The following PRKCB variants were observed in gnomAD, a reference collection of about 807,000 sequenced individuals.
PRKCB encodes the protein protein kinase C beta, also known as protein kinase C beta type.
In PRKCB, 13 loss-of-function variants were observed where a neutral mutation model predicts 81.5. The ratio of observed to expected loss-of-function variants is 0.16; its 90% CI spans 0.10 to 0.25. PRKCB has a LOEUF of 0.25. Among genes scored for constraint, PRKCB ranks in the 10% least tolerant of loss-of-function variants. The probability of loss-of-function intolerance (pLI) is 1.00; values close to 1 mark genes in which losing one functional copy is unlikely to be tolerated. For missense variants in PRKCB, 509 were observed against 875.7 expected, an observed-to-expected ratio of 0.58 and a Z score of 5.29; for synonymous variants, 335 against 321.4, an observed-to-expected ratio of 1.04 and a Z score of -0.45.
intron 3 of PRKCB, among the ~76,000 whole-genome samples, chr16:24,025,594 C>T (rs1156338807): frequency 6.6e-6 from 1 of 152,162 alleles, no homozygotes; most frequent in Non-Finnish European, 1.5e-5. Flanking sequence ...ATTAAGCGTG[C>T]ATTTATAAGT....
chr16:24,100,950 G>GT (rs1434779419), intron 7 of PRKCB, among the ~76,000 whole-genome samples: 2 of 152,160 alleles, frequency 1.3e-5, no homozygotes, highest in Non-Finnish European at 2.9e-5. Flanking sequence ...CAGTTCCTGG[G>GT]TGAGGATCAC....
In PRKCB at chr16:24,048,770, C is replaced by T. The variant is rs891311451; in HGVS notation, c.529+13223C>T. 2.0e-5 allele frequency among the ~76,000 whole-genome samples: 3 copies of T among 152,282 alleles called. 1 individual carries two copies. Among genetic ancestry groups the T allele is most frequent in the Admixed American group, 1.3e-4 (2 of 15,302 alleles). ...GTGCTGGGATTACAGGTGTGAGTCA[C>T]CGTGCCCAGCCACAGCCACCTTTTC... On this transcript the variant is annotated intron_variant, in intron 5 of 16. Coordinates refer to ENST00000643927, the MANE Select transcript of PRKCB (RefSeq NM_002738.7).
At chr16:23,922,075 C>T (rs1051230177) in intron 2 of PRKCB, among the ~76,000 whole-genome samples, 5 of 152,066 alleles carry the variant, frequency 3.3e-5, no homozygotes, top group African/African-American at 4.8e-5. Context: ...AGAACACTAT[C>T]GGATGATAAT....
chr16:23,993,475 C>T (rs1246810802), intron 3 of PRKCB, among the ~76,000 whole-genome samples: 1 of 152,076 alleles, frequency 6.6e-6, no homozygotes, highest in Non-Finnish European at 1.5e-5. Flanking sequence ...ATTAGAATGC[C>T]AGAGTGGATT....
At chr16:23,992,745 C>G (rs1964903268) in intron 3 of PRKCB, among the ~76,000 whole-genome samples, 1 of 152,170 alleles carries the variant, frequency 6.6e-6, no homozygotes. Context: ...GGCTGAATTA[C>G]AATGCAAATT....
intron 3 of PRKCB, among the ~76,000 whole-genome samples, chr16:24,013,410 T>A (rs551008657): frequency 1.0e-3 from 157 of 152,348 alleles, no homozygotes; most frequent in Non-Finnish European, 1.6e-3. Context: ...TAAAAATGAA[T>A]CACTAGCTGT....
intron 2 of PRKCB, among the ~76,000 whole-genome samples, chr16:23,929,260 A>G (rs1479774261): frequency 6.6e-6 from 1 of 152,146 alleles, no homozygotes; most frequent in Non-Finnish European, 1.5e-5. Context: ...GCCAGGCCAC[A>G]GAGTTTGCAG....
At chr16:23,971,176 G>T (rs1964550134) in intron 2 of PRKCB, among the ~76,000 whole-genome samples, 1 of 152,170 alleles carries the variant, frequency 6.6e-6, no homozygotes, top group African/African-American at 2.4e-5. Flanking sequence ...CGTGGCAGTA[G>T]TTACCATCAT....
At chr16:23,894,494 T>A (rs1453996145) in intron 2 of PRKCB, among the ~76,000 whole-genome samples, 1 of 152,116 alleles carries the variant, frequency 6.6e-6, no homozygotes, top group African/African-American at 2.4e-5. Context: ...CTGGATATAA[T>A]CATTGGTTTA....
chr16:24,025,731 T>C (rs753578106), intron 3 of PRKCB, among the ~76,000 whole-genome samples: 1 of 152,134 alleles, frequency 6.6e-6, no homozygotes, highest in Non-Finnish European at 1.5e-5. Context: ...ATTTGCTAGG[T>C]GAATGAACGA....
Position 24,172,352 on chromosome 16 carries a change from C to A in PRKCB, c.1322C>A (p.Pro441His). The A allele has an allele frequency of 6.2e-7, 1 of 1,613,658 alleles. No individual in the cohort carries two copies. Among genetic ancestry groups the A allele is most frequent in the Non-Finnish European group, 8.5e-7 (1 of 1,179,794 alleles). The change falls in exon 11 of 17, where the codon CCC (proline) becomes CAC (histidine). Residue 441 changes from proline (P) to histidine (H), a missense_variant. Transcript: ENST00000643927. ...CAGCAAGTCGGCCGGTTCAAGGAGC[C>A]CCATGCTGTGTAAGTGAGAACTAGT... ...HIQQVGRFKE[P>H]HAVFYAAEIA...
chr16:24,089,462 T>G (rs552740883), intron 5 of PRKCB, among the ~76,000 whole-genome samples: 1 of 151,928 alleles, frequency 6.6e-6, no homozygotes, highest in Non-Finnish European at 1.5e-5. Context: ...AATGGTTAAC[T>G]CTTCATAATA....
chr16:24,207,348 A>G lies in PRKCB; in HGVS notation c.1864-7310A>G, dbSNP rs531739618. 4.6e-5 allele frequency among the ~76,000 whole-genome samples: 7 copies of G among 152,346 alleles called. No homozygotes were observed. In the South Asian group the frequency reaches 1.2e-3, roughly 27 times the overall value. On this transcript the variant is annotated intron_variant, in intron 16 of 16. Coordinates refer to ENST00000643927, the MANE Select transcript of PRKCB (RefSeq NM_002738.7). Reference sequence around the variant, plus strand: ...CAGCTTCTTTTCTTATTACAAAATAATAATAACAATACCTGATTGTTATGT... The same window carrying G: ...CAGCTTCTTTTCTTATTACAAAATAGTAATAACAATACCTGATTGTTATGT...
At chr16:24,118,216 T>C (rs1170796969) in intron 8 of PRKCB, among the ~76,000 whole-genome samples, 1 of 152,252 alleles carries the variant, frequency 6.6e-6, no homozygotes, top group East Asian at 1.9e-4. Context: ...TCTGAGCTTC[T>C]GATTCCCTAC....
At chr16:24,155,448 C>T (rs928854003) in intron 10 of PRKCB, among the ~76,000 whole-genome samples, 1 of 152,194 alleles carries the variant, frequency 6.6e-6, no homozygotes, top group African/African-American at 2.4e-5. Flanking sequence ...GCAAGAGTCC[C>T]TGCTTTAAGT....
intron 2 of PRKCB, among the ~76,000 whole-genome samples, chr16:23,911,622 C>T (rs973818459): frequency 3.3e-5 from 5 of 152,094 alleles, no homozygotes; most frequent in African/African-American, 1.2e-4. Context: ...ACGTCATAAA[C>T]GTGGTTTGCA....
intron 7 of PRKCB, among the ~76,000 whole-genome samples, chr16:24,104,346 G>GCATT (rs1162787292): frequency 2.6e-5 from 4 of 152,122 alleles, no homozygotes; most frequent in African/African-American, 7.2e-5. Context: ...TTTGTTGCTG[G>GCATT]CATTCATTCA....
At chr16:24,108,974 G>A (rs1966622950) in intron 7 of PRKCB, among the ~76,000 whole-genome samples, 2 of 143,900 alleles carry the variant, frequency 1.4e-5, no homozygotes, top group African/African-American at 2.6e-5. Context: ...GGCTGGCCGG[G>A]CGGGGGACTG....
At chr16:24,085,989 C>G (rs937594251) in intron 5 of PRKCB, among the ~76,000 whole-genome samples, 1 of 152,076 alleles carries the variant, frequency 6.6e-6, no homozygotes. Flanking sequence ...ACGATGTGCT[C>G]GGGAGGACTT....
Sources: gnomAD v4.1 joint callset for allele counts (sites outside exome capture counted in the v4.1 genomes callset) on GRCh38, gnomAD v4.1.1 for gene constraint, MANE v1.5 for transcripts, NCBI Gene and HGNC (gene_info 2026-07-23, HGNC 2026-07-21) for gene names.